EIF3L: variants seen among roughly 807,000 people sequenced by gnomAD.
The protein encoded by EIF3L is eIEF associated protein HSPC021.
EIF3L carries 32 observed loss-of-function variants against 74.6 expected under a neutral mutation model. The ratio of observed to expected loss-of-function variants is 0.43; its 90% confidence interval spans 0.32 to 0.58. The LOEUF (loss-of-function observed/expected upper bound fraction) is 0.58, where lower values mean the gene tolerates loss of function less well. Among genes scored for constraint, EIF3L ranks in the 20% least tolerant of loss-of-function variants. The pLI, the probability that EIF3L is intolerant of heterozygous loss-of-function variation, is 0.06. For missense variants in EIF3L, 474 were observed against 707.8 expected (o/e 0.67, Z 3.75); for synonymous variants, 256 against 254.4 (o/e 1.01, Z -0.06).
In EIF3L at chr22:37,851,189, C is replaced by G. The variant is rs950622170; in HGVS notation, c.83-91C>G. 6 of 1,037,684 alleles carry G rather than the reference C, an allele frequency of 5.8e-6. 1 individual carries two copies. In the Admixed American group the frequency reaches 1.0e-4, roughly 18 times the overall value. The allele number at this position is 1,037,684 out of a possible 1,614,324, so 64.3% of individuals were successfully genotyped here. A position where few individuals can be genotyped will look rare whatever the true frequency, so the allele number is the denominator to read the frequency against. ...ATTCAAAAGGGAATTTTACGCAGAC[C>G]TGAGTTTAGTTTCTGGGGTGGTCTT... On this transcript the variant is annotated intron_variant, in intron 2 of 12. Transcript: ENST00000652021.
At chr22:37,888,360 ATAC>A (rs1927428458) in intron 12 of EIF3L, 63 bp from the exon 13 acceptor site, 1 of 1,559,266 alleles carries the variant, frequency 6.4e-7, no homozygotes. Flanking sequence ...CCTAGTGATC[ATAC>A]ACACTGTAGG....
At chr22:37,885,480 A>G (rs1927271400) in intron 11 of EIF3L, 1 of 151,902 alleles carries the variant, frequency 6.6e-6, no homozygotes, top group Non-Finnish European at 1.5e-5. Context: ...TTCATTCTTA[A>G]CTTGAAAGAA....
Position 37,877,301 on chromosome 22 carries a change from C to T in EIF3L, c.1078-373C>T, listed in dbSNP as rs140220161. On this transcript the variant is annotated intron_variant, in intron 10 of 12. Coordinates refer to ENST00000652021, the MANE Select transcript of EIF3L (RefSeq NM_016091.4). ...GCCCATGGCCCGTTGTTGACTGAAA[C>T]GCTGTTGCACGGCACATTACTATTT... 209 of 193,290 alleles carry T rather than the reference C, an allele frequency of 1.1e-3. 2 individuals carry two copies. Among genetic ancestry groups the T allele is most frequent in the Non-Finnish European group, 1.6e-3 (150 of 92,996 alleles). 12.0% of individuals were successfully genotyped at this position (193,290 alleles called of 1,614,324 possible).
intron 4 of EIF3L, among the ~76,000 whole-genome samples, chr22:37,856,574 G>A (rs1457600741): frequency 1.3e-5 from 2 of 152,100 alleles, no homozygotes; most frequent in Non-Finnish European, 2.9e-5. Context: ...GCCGGGCGCA[G>A]TGGCTCACGC....
At position 37,888,611 on chromosome 22, in the gene EIF3L, T is replaced by A; in HGVS notation, c.*147T>A. ...CCGAAGTGTTTCAAGTGGATCTCAG[T>A]AAAGGATCTTTGGAGCCAGATTTGT... On this transcript the variant is annotated 3_prime_UTR_variant, in exon 13 of 13. Coordinates refer to ENST00000652021, the MANE Select transcript of EIF3L (RefSeq NM_016091.4). 1.3e-6 allele frequency: 1 copy of A among 785,540 alleles called. No individual in the cohort carries two copies. Among genetic ancestry groups the A allele is most frequent in the Non-Finnish European group, 2.1e-6 (1 of 476,920 alleles). The allele number at this position is 785,540 out of a possible 1,614,324, so 48.7% of individuals were successfully genotyped here.
In EIF3L at chr22:37,888,499, G is replaced by A. The variant is rs759933616; in HGVS notation, c.*35G>A. The A allele has an allele frequency of 1.2e-6, 2 of 1,610,018 alleles. No individual in the cohort carries two copies. Among genetic ancestry groups the A allele is most frequent in the Non-Finnish European group, 1.7e-6 (2 of 1,177,656 alleles). ...CACACATTCAGGAACCTGTTTTGAT[G>A]TATTATAGGCAGGAAGTGTTTTTGC... On this transcript the variant is annotated 3_prime_UTR_variant, in exon 13 of 13. Transcript: ENST00000652021.
In EIF3L at chr22:37,878,180, G is replaced by A. The variant is rs767279372; in HGVS notation, c.1575+9G>A. The A allele has an allele frequency of 6.3e-7, 1 of 1,589,576 alleles. No individual in the cohort carries two copies. The highest frequency in any genetic ancestry group is 8.6e-7 in the Non-Finnish European group (1 of 1,166,254). ...ACTTCTACATTGATAAGGTATGCCT[G>A]TCCCCTGGGCTTGGGGTCTTGTATT... On this transcript the variant is annotated intron_variant, in intron 11 of 12. Coordinates refer to ENST00000652021, the MANE Select transcript of EIF3L (RefSeq NM_016091.4).
intron 9 of EIF3L, among the ~76,000 whole-genome samples, 195 bp downstream of exon 9, chr22:37,874,719 G>A (rs1926653451): frequency 6.6e-6 from 1 of 152,026 alleles, no homozygotes; most frequent in Non-Finnish European, 1.5e-5. Context: ...GTTAACAACA[G>A]TTTTTTATTT....
Position 37,877,696 on chromosome 22 carries a change from T to C in EIF3L, c.1100T>C (p.Met367Thr). 6.2e-7 allele frequency: 1 copy of C among 1,607,510 alleles called. No individual in the cohort carries two copies. Among genetic ancestry groups the C allele is most frequent in the East Asian group, 2.2e-5 (1 of 44,832 alleles). The change falls in exon 11 of 13, where the codon ATG (methionine) becomes ACG (threonine). Residue 367 changes from methionine (M) to threonine (T), a missense_variant. Physicochemically the swap from Met to Thr is moderately conservative, Grantham distance 81. This residue lies in a region of EIF3L where 293 missense variants were observed against 469.1 expected (regional missense o/e 0.62). Transcript: ENST00000652021. ...CAGATTAACAAGCAGAATGAGCAGA[T>C]GCATGCGCTGCTGGCCATTGCCCTC... ...YEMINKQNEQ[M>T]HALLAIALTM...
At position 37,850,008 on chromosome 22, in the gene EIF3L, C is replaced by T. The variant is rs1442786374; in HGVS notation, c.34-7C>T. On this transcript the variant is annotated splice_region_variant and splice_polypyrimidine_tract_variant and intron_variant, in intron 1 of 12. Coordinates refer to ENST00000652021, the MANE Select transcript of EIF3L (RefSeq NM_016091.4). ...GGCTGTCCTTGACTGTGTCTCTTTC[C>T]TTCTAGGCGGCTTATGACCCCTACG... 1.9e-6 allele frequency: 3 copies of T among 1,613,542 alleles called. No homozygotes were observed. The highest frequency in any genetic ancestry group is 1.3e-5 in the African/African-American group (1 of 74,882).
At chr22:37,869,057 G>C (rs185809312) in intron 7 of EIF3L, among the ~76,000 whole-genome samples, 1 of 152,250 alleles carries the variant, frequency 6.6e-6, no homozygotes, top group Admixed American at 6.5e-5. Flanking sequence ...TTATAGGCGT[G>C]AGCCACCGTG....
At position 37,877,916 on chromosome 22, in the gene EIF3L, C is replaced by T. The variant is rs760956614; in HGVS notation, c.1320C>T (p.Phe440=). The change falls in exon 11 of 13, where the codon TTC becomes TTT. Residue 440 remains phenylalanine (F), a synonymous_variant. Transcript: ENST00000652021. The stretch of plus-strand genomic sequence containing the variant: ...ACCCCAACTACCACAAAGAGCCCTT[C>T]CTGCAGCAGCTGAAGGTGTTTTCTG... ...NVHPNYHKEP[F]LQQLKVFSDE... The T allele has an allele frequency of 2.5e-6, 4 of 1,612,812 alleles. No homozygotes were observed. Among genetic ancestry groups the T allele is most frequent in the South Asian group, 1.1e-5 (1 of 91,018 alleles).
intron 4 of EIF3L, among the ~76,000 whole-genome samples, chr22:37,858,101 T>A (rs1925631892): frequency 6.6e-6 from 1 of 151,472 alleles, no homozygotes; most frequent in Admixed American, 6.6e-5. Flanking sequence ...ACTTGAGCCC[T>A]GGAAGTCGAG....
Position 37,855,457 on chromosome 22 carries a change from T to G in EIF3L, c.294-108T>G, listed in dbSNP as rs1031941914. ...TGAAGGGCTTTGGCCTCAGCTCTGT[T>G]TATTTGACATCTTCCCCTTTCTAAG... On this transcript the variant is annotated intron_variant, in intron 3 of 12. Transcript: ENST00000652021. 4.1e-6 allele frequency: 4 copies of G among 972,818 alleles called. No individual in the cohort carries two copies. The South Asian group carries it at 4.4e-5, about 11-fold the overall frequency. 60.3% of individuals were successfully genotyped at this position (972,818 alleles called of 1,614,324 possible).
chr22:37,853,327 A>T (rs1404409863), intron 3 of EIF3L, among the ~76,000 whole-genome samples: 2 of 152,236 alleles, frequency 1.3e-5, no homozygotes, highest in African/African-American at 4.8e-5. Flanking sequence ...CAGGAGTGAA[A>T]GTTTATTAAA....
chr22:37,870,112 T>C (rs1655212473), intron 7 of EIF3L, 64 bp from the exon 8 acceptor site: 1 of 1,434,686 alleles, frequency 7.0e-7, no homozygotes. Context: ...TTTTCAGCAT[T>C]GTGGACATGG....
chr22:37,865,222 T>C (rs1387100556), intron 7 of EIF3L, among the ~76,000 whole-genome samples: 2 of 151,892 alleles, frequency 1.3e-5, no homozygotes, highest in Non-Finnish European at 2.9e-5. Context: ...TCCCAACACT[T>C]TGGGAGGCCT....
chr22:37,870,173 C>A lies in EIF3L; in HGVS notation c.580-3C>A. 1 of 1,589,870 alleles carries A rather than the reference C, an allele frequency of 6.3e-7. No individual in the cohort carries two copies. The highest frequency in any genetic ancestry group is 8.6e-7 in the Non-Finnish European group (1 of 1,166,910). On this transcript the variant is annotated splice_polypyrimidine_tract_variant and splice_region_variant and intron_variant, in intron 7 of 12. Coordinates refer to ENST00000652021, the MANE Select transcript of EIF3L (RefSeq NM_016091.4). ...ACTGCATGTTTCTTTTCTTCCTCAA[C>A]AGTTTCAGTCATTCAGTCAGTACCG...
intron 11 of EIF3L, 168 bp downstream of exon 11, chr22:37,878,339 G>A: frequency 1.2e-6 from 1 of 826,016 alleles, no homozygotes; most frequent in Non-Finnish European, 1.8e-6. Context: ...GTACTTTAGG[G>A]GAGGCTGGGG....
Sources: allele counts gnomAD v4.1 joint callset (sites outside exome capture counted in the v4.1 genomes callset), GRCh38; gene constraint gnomAD v4.1.1; regional missense constraint gnomAD v4.1.1; transcripts MANE v1.5; gene names NCBI Gene and HGNC (gene_info 2026-07-23, HGNC 2026-07-21).